Variants in ELK3 observed in about 807,000 individuals in gnomAD.
ELK3 encodes ETS domain-containing protein Elk-3.
Under a neutral mutation model 28.9 loss-of-function variants are expected in ELK3, and 10 were observed. The observed-to-expected ratio is 0.35, with a 90% CI of 0.21 to 0.59. The LOEUF (loss-of-function observed/expected upper bound fraction) is 0.59. Among genes scored for constraint, ELK3 ranks in the 20% least tolerant of loss-of-function variants. The pLI, the probability that ELK3 is intolerant of heterozygous loss-of-function variation, is 0.82. For synonymous variants in ELK3, 272 were observed against 243.5 expected (o/e 1.12, Z -1.09); for missense variants, 463 against 517.3 (o/e 0.90, Z 1.02).
chr12:96,263,349 G>A (rs771482059), intron 4 of ELK3, among the ~76,000 whole-genome samples: 33 of 152,178 alleles, frequency 2.2e-4, no homozygotes, highest in Non-Finnish European at 4.0e-4. Flanking sequence ...AAGTGAACTC[G>A]GTTTTTCTTG....
intron 1 of ELK3, among the ~76,000 whole-genome samples, chr12:96,207,555 GTT>G (rs1951545753): frequency 6.6e-6 from 1 of 152,220 alleles, no homozygotes; most frequent in Non-Finnish European, 1.5e-5. Context: ...CCATGAAAGA[GTT>G]TTGTTGAGAA....
chr12:96,238,491 G>A (rs761033222), intron 2 of ELK3, among the ~76,000 whole-genome samples: 3 of 152,194 alleles, frequency 2.0e-5, no homozygotes, highest in Non-Finnish European at 4.4e-5. Flanking sequence ...TGCTGGGCAC[G>A]GGCCTGGAGA....
At chr12:96,251,255 G>A (rs1823184505) in intron 3 of ELK3, among the ~76,000 whole-genome samples, 1 of 152,112 alleles carries the variant, frequency 6.6e-6, no homozygotes, top group African/African-American at 2.4e-5. Context: ...AACCACACCT[G>A]TATAAGACAG....
At chr12:96,241,513 C>T (rs1951821356) in intron 2 of ELK3, among the ~76,000 whole-genome samples, 1 of 151,768 alleles carries the variant, frequency 6.6e-6, no homozygotes, top group South Asian at 2.1e-4. Context: ...GTAGGTATGC[C>T]TGTAACCTGT....
intron 1 of ELK3, among the ~76,000 whole-genome samples, chr12:96,221,648 T>G (rs1951662905): frequency 6.6e-6 from 1 of 152,152 alleles, no homozygotes; most frequent in Non-Finnish European, 1.5e-5. Context: ...CATATCCAAG[T>G]CATCAGAAGG....
intron 2 of ELK3, among the ~76,000 whole-genome samples, chr12:96,235,068 C>T (rs1307914674): frequency 2.6e-5 from 4 of 152,120 alleles, no homozygotes; most frequent in African/African-American, 4.8e-5. Context: ...TTCCAGAAGA[C>T]GCTTCCTATG....
rs796832341 is a variant in ELK3 at position 96,247,971 on chromosome 12, C to T, written c.1002+237C>T. 5.3e-5 allele frequency among the ~76,000 whole-genome samples: 8 copies of T among 152,272 alleles called. No homozygotes were observed. Among genetic ancestry groups the T allele is most frequent in the African/African-American group, 1.7e-4 (7 of 41,556 alleles). The stretch of plus-strand genomic sequence containing the variant: ...TGCTTGATTGGTTTCTTGCTTTTAG[C>T]GGCCTAAAGTGACCATAGGTGGAAC... On this transcript the variant is annotated intron_variant, in intron 3 of 4. Coordinates refer to ENST00000228741, the MANE Select transcript of ELK3 (RefSeq NM_005230.4). This position sits in a 1 kb window ranked among gnomAD's most constrained non-coding sequence, Gnocchi z 5.5.
At chr12:96,234,786 G>A (rs1001437400) in intron 2 of ELK3, among the ~76,000 whole-genome samples, 3 of 152,196 alleles carry the variant, frequency 2.0e-5, no homozygotes, top group African/African-American at 7.2e-5. Context: ...AGATGCAGCA[G>A]CAGGGCGGTG....
intron 2 of ELK3, 148 bp downstream of exon 2, chr12:96,223,921 G>A: frequency 1.2e-6 from 1 of 801,456 alleles, no homozygotes. Context: ...GAGAAAAGCT[G>A]TGCTGTAGGG....
At chr12:96,250,348 T>C (rs1951893615) in intron 3 of ELK3, among the ~76,000 whole-genome samples, 1 of 152,192 alleles carries the variant, frequency 6.6e-6, no homozygotes, top group South Asian at 2.1e-4. Context: ...GTGGTACTTA[T>C]TCAGAGTTGA....
At chr12:96,242,341 C>A (rs1048493752) in intron 2 of ELK3, among the ~76,000 whole-genome samples, 2 of 152,174 alleles carry the variant, frequency 1.3e-5, no homozygotes, top group Non-Finnish European at 2.9e-5. Context: ...CTTTCCGAGC[C>A]TCAGCTTGCT....
intron 1 of ELK3, among the ~76,000 whole-genome samples, chr12:96,200,710 T>C (rs1177851594): frequency 6.6e-6 from 1 of 152,236 alleles, no homozygotes; most frequent in Non-Finnish European, 1.5e-5. Flanking sequence ...TTGCCCAGGC[T>C]GGAGTGCAGT....
chr12:96,212,387 G>A (rs1460682953), intron 1 of ELK3, among the ~76,000 whole-genome samples: 2 of 152,226 alleles, frequency 1.3e-5, no homozygotes, highest in African/African-American at 2.4e-5. Flanking sequence ...AGCATTGTCA[G>A]CAGAGCTTGT....
intron 1 of ELK3, among the ~76,000 whole-genome samples, chr12:96,215,918 GCTATCACGC>G (rs1238710115): frequency 6.6e-6 from 1 of 152,180 alleles, no homozygotes; most frequent in Non-Finnish European, 1.5e-5. Flanking sequence ...ACAGGCGTGA[GCTATCACGC>G]CTAGCCTCAA....
chr12:96,224,220 T>TATA (rs1383331492), intron 2 of ELK3, among the ~76,000 whole-genome samples: 1 of 152,198 alleles, frequency 6.6e-6, no homozygotes, highest in Non-Finnish European at 1.5e-5. Context: ...TATCCTCGTT[T>TATA]ATAAAACAGG....
At position 96,262,255 on chromosome 12, in the gene ELK3, G is replaced by A. The variant is rs549628441; in HGVS notation, c.1125+2402G>A. ...GCTGGTCCCAAACTCCTGACCTCAA[G>A]TGACCTGCCTGCCTTGGTCTCCCAA... On this transcript the variant is annotated intron_variant, in intron 4 of 4. Coordinates refer to ENST00000228741, the MANE Select transcript of ELK3 (RefSeq NM_005230.4). Among the ~76,000 whole-genome samples, 60 of 152,284 alleles carry A rather than the reference G, an allele frequency of 3.9e-4. No individual in the cohort carries two copies. In the South Asian group the frequency reaches 0.012, roughly 30 times the overall value.
chr12:96,232,990 G>A (rs1219435047), intron 2 of ELK3, among the ~76,000 whole-genome samples: 1 of 152,120 alleles, frequency 6.6e-6, no homozygotes, highest in Admixed American at 6.6e-5. Context: ...AAAAGCAAGA[G>A]AGTGCTATGA....
rs552919138 is a variant in ELK3, at chr12:96,252,919, A to C, written c.1002+5185A>C. The stretch of plus-strand genomic sequence containing the variant: ...TGAAAGAAGTTCTACTCTGGGTAAA[A>C]TGCTATCAAACAGCATCACATGCCA... On this transcript the variant is annotated intron_variant, in intron 3 of 4. Transcript: ENST00000228741. Among the ~76,000 whole-genome samples the C allele has an allele frequency of 2.3e-3, 343 of 152,370 alleles. 1 individual carries two copies. Among genetic ancestry groups the C allele is most frequent in the Admixed American group, 5.9e-3 (90 of 15,306 alleles).
chr12:96,196,747 GTTTTTTTTT>G (rs56206854), intron 1 of ELK3, among the ~76,000 whole-genome samples: 2 of 137,244 alleles, frequency 1.5e-5, no homozygotes, highest in East Asian at 2.2e-4. Context: ...CTCTAAAAGT[GTTTTTTTTT>G]TTTTTTTTTT....
Sources: allele counts gnomAD v4.1 joint callset (sites outside exome capture counted in the v4.1 genomes callset), GRCh38; gene constraint gnomAD v4.1.1; non-coding constraint Gnocchi (gnomAD v3.1); transcripts MANE v1.5; gene names NCBI Gene and HGNC (gene_info 2026-07-23, HGNC 2026-07-21).